UBE2D2: variants seen among roughly 807,000 people sequenced by gnomAD.
UBE2D2 encodes ubiquitin conjugating enzyme E2 D2.
UBE2D2 carries 2 observed loss-of-function variants against 24.2 expected under a neutral mutation model. The ratio of observed to expected loss-of-function variants is 0.08; its 90% CI spans 0.03 to 0.26. UBE2D2 has a LOEUF of 0.26. Ranked by LOEUF, UBE2D2 falls within the 10% of genes least tolerant of loss-of-function variation. UBE2D2 has a pLI of 1.00. For missense variants in UBE2D2, 44 were observed against 177.6 expected (o/e 0.25, Z 4.28); for synonymous variants, 58 against 56.5 (o/e 1.03, Z -0.12).
intron 2 of UBE2D2, among the ~76,000 whole-genome samples, chr5:139,601,596 AGAGT>A (rs1754077295): frequency 6.6e-6 from 1 of 152,180 alleles, no homozygotes; most frequent in Non-Finnish European, 1.5e-5. Flanking sequence ...CTTGGGCGAC[AGAGT>A]GAGACGCTGT....
chr5:139,549,142 C>A (rs758001392), intron 1 of UBE2D2, among the ~76,000 whole-genome samples: 1 of 152,152 alleles, frequency 6.6e-6, no homozygotes, highest in Admixed American at 6.5e-5. Context: ...CCACTGTGCC[C>A]GGTCTTAAAA....
At chr5:139,535,437 G>A (rs934552858) in intron 1 of UBE2D2, among the ~76,000 whole-genome samples, 13 of 149,800 alleles carry the variant, frequency 8.7e-5, no homozygotes, top group Admixed American at 3.3e-4. Context: ...GCCTGGGAGC[G>A]AGACTCCGTC....
chr5:139,580,119 G>A (rs1753563418), intron 1 of UBE2D2, among the ~76,000 whole-genome samples: 1 of 151,602 alleles, frequency 6.6e-6, no homozygotes, highest in Non-Finnish European at 1.5e-5. Flanking sequence ...TTGAGACAGA[G>A]TCTCACTCTT....
At chr5:139,584,204 A>G (rs1176111758) in intron 1 of UBE2D2, among the ~76,000 whole-genome samples, 1 of 151,982 alleles carries the variant, frequency 6.6e-6, no homozygotes, top group African/African-American at 2.4e-5. Flanking sequence ...TTCTGTTTAG[A>G]TATATTTAGG....
At chr5:139,547,171 G>T (rs933717733) in intron 1 of UBE2D2, among the ~76,000 whole-genome samples, 25 of 151,786 alleles carry the variant, frequency 1.6e-4, no homozygotes, top group Non-Finnish European at 3.4e-4. Context: ...GGCGCCTGTA[G>T]TCCCAGCTAC....
At position 139,531,311 on chromosome 5, in the gene UBE2D2, GA is replaced by G. The variant is rs1752593761; in HGVS notation, c.-64+4702del. 2.0e-5 allele frequency among the ~76,000 whole-genome samples: 3 copies of G among 152,306 alleles called. No individual in the cohort carries two copies. The South Asian group carries it at 6.2e-4, about 32-fold the overall frequency. ...CAGCCATTGTATAGAAGAACATTGT[GA>G]AATTCCCTGCCCTGTTCTGTTTCTC... On this transcript the variant is annotated intron_variant, in intron 1 of 6. Transcript: ENST00000511725.
At chr5:139,557,361 C>T (rs568798539), upstream of UBE2D2, among the ~76,000 whole-genome samples, 13 of 152,084 alleles carry the variant, frequency 8.5e-5, no homozygotes, top group East Asian at 2.3e-3. Context: ...TCTTGAACTC[C>T]TGACCTCAGG....
intron 1 of UBE2D2, among the ~76,000 whole-genome samples, chr5:139,590,273 A>G (rs1753814360): frequency 6.6e-6 from 1 of 152,066 alleles, no homozygotes; most frequent in African/African-American, 2.4e-5. Context: ...CGTCTCTACT[A>G]ACAATACAAA....
chr5:139,561,727 C>CCCCTTCCCCGT lies in UBE2D2; in HGVS notation c.-54_-44dup, dbSNP rs1052529071. The CCCCTTCCCCGT allele has an allele frequency of 2.9e-5, 38 of 1,307,898 alleles. No individual in the cohort carries two copies. Among genetic ancestry groups the CCCCTTCCCCGT allele is most frequent in the South Asian group, 8.5e-5 (6 of 70,356 alleles). 81.0% of individuals were successfully genotyped at this position (1,307,898 alleles called of 1,614,324 possible). On this transcript the variant is annotated 5_prime_UTR_variant, in exon 1 of 7. Coordinates refer to ENST00000398733, the MANE Select transcript of UBE2D2 (RefSeq NM_003339.3). ...GCCGAGGCGGCCTCAGGCTCCCTAG[C>CCCCTTCCCCGT]CCCTTCCCCGTCCCTTCCCCGCCCC...
At chr5:139,565,944 G>T (rs1315748174) in intron 1 of UBE2D2, among the ~76,000 whole-genome samples, 1 of 152,056 alleles carries the variant, frequency 6.6e-6, no homozygotes, top group Non-Finnish European at 1.5e-5. Context: ...ACTAGTTGCA[G>T]ATAACGTTTG....
At position 139,545,704 on chromosome 5, in the gene UBE2D2, G is replaced by A. The variant is rs114299389; in HGVS notation, c.-64+19092G>A. 1.7e-3 allele frequency among the ~76,000 whole-genome samples: 253 copies of A among 150,560 alleles called. 1 individual carries two copies. Among genetic ancestry groups the A allele is most frequent in the African/African-American group, 5.9e-3 (241 of 40,984 alleles). ...CTCCCAAAGGTCTGGGATTACTGGC[G>A]TGAAACACTGAGCCCAGCCTACATT... is the stretch of plus-strand genomic sequence containing the variant. On this transcript the variant is annotated intron_variant, in intron 1 of 6. Transcript: ENST00000511725.
intron 2 of UBE2D2, among the ~76,000 whole-genome samples, chr5:139,602,642 C>G (rs1314781522): frequency 6.6e-6 from 1 of 152,046 alleles, no homozygotes; most frequent in African/African-American, 2.4e-5. Context: ...TGCACAACTG[C>G]ACTCCAGCCT....
chr5:139,576,325 A>C (rs762784345), intron 1 of UBE2D2, among the ~76,000 whole-genome samples: 1 of 152,026 alleles, frequency 6.6e-6, no homozygotes, highest in South Asian at 2.1e-4. Context: ...GCCTCTTCCA[A>C]CTTTGGTGGA....
chr5:139,594,054 A>G (rs571281788), intron 1 of UBE2D2, among the ~76,000 whole-genome samples: 2 of 152,348 alleles, frequency 1.3e-5, no homozygotes, highest in South Asian at 2.1e-4. Flanking sequence ...CTACAAAGTT[A>G]ATTATAACCT....
chr5:139,578,348 G>A (rs1346727061), intron 1 of UBE2D2, among the ~76,000 whole-genome samples: 1 of 151,972 alleles, frequency 6.6e-6, no homozygotes, highest in Non-Finnish European at 1.5e-5. Context: ...GAATACCTAC[G>A]ATTTTCCTGT....
At chr5:139,607,517 T>A (rs1178991140) in intron 2 of UBE2D2, among the ~76,000 whole-genome samples, 1 of 152,184 alleles carries the variant, frequency 6.6e-6, no homozygotes, top group Non-Finnish European at 1.5e-5. Flanking sequence ...ATGATGGAAT[T>A]TGACCTTAAT....
At chr5:139,534,310 T>C (rs1752637281) in intron 1 of UBE2D2, among the ~76,000 whole-genome samples, 1 of 151,750 alleles carries the variant, frequency 6.6e-6, no homozygotes, top group African/African-American at 2.4e-5. Context: ...CTCACGCCTG[T>C]AATCCCAGCA....
chr5:139,577,529 A>G (rs1452723438), intron 1 of UBE2D2, among the ~76,000 whole-genome samples: 2 of 148,614 alleles, frequency 1.3e-5, no homozygotes, highest in Non-Finnish European at 3.0e-5. Context: ...TTCTCCTCTC[A>G]CATCCTCTCG....
chr5:139,606,562 T>G lies in UBE2D2; in HGVS notation c.88+6127T>G, dbSNP rs189586872. 2.1e-3 allele frequency among the ~76,000 whole-genome samples: 322 copies of G among 152,328 alleles called. 1 individual carries two copies. The highest frequency in any genetic ancestry group is 7.3e-3 in the African/African-American group (304 of 41,572). ...TCTCATAAAACAGATTATGTAACTT[T>G]CAGTTTGTGTAATTTGGTTTGATAG... On this transcript the variant is annotated intron_variant, in intron 2 of 6. Coordinates refer to ENST00000398733, the MANE Select transcript of UBE2D2 (RefSeq NM_003339.3).
Sources: gnomAD v4.1 joint callset for allele counts (sites outside exome capture counted in the v4.1 genomes callset) on GRCh38, gnomAD v4.1.1 for gene constraint, MANE v1.5 for transcripts, NCBI Gene and HGNC (gene_info 2026-07-23, HGNC 2026-07-21) for gene names.